Variants in NRXN3 observed in about 807,000 individuals in gnomAD.
NRXN3 encodes the protein neurexin III.
In NRXN3, 32 loss-of-function variants were observed where a neutral mutation model predicts 137.6. That is an observed-to-expected ratio of 0.23 (90% CI 0.18 to 0.31). The LOEUF (loss-of-function observed/expected upper bound fraction) is 0.31, where lower values mean the gene tolerates loss of function less well. NRXN3 is among the 10% of genes least tolerant of loss of function. The pLI, the probability that NRXN3 is intolerant of heterozygous loss-of-function variation, is 1.00. For missense variants in NRXN3, 1,574 were observed against 2,062.5 expected, an observed-to-expected ratio of 0.76 and a Z score of 4.59; for synonymous variants, 798 against 784.5, an observed-to-expected ratio of 1.02 and a Z score of -0.29.
At chr14:78,176,458 A>G (rs2059281839) in intron 1 of NRXN3, among the ~76,000 whole-genome samples, 1 of 150,086 alleles carries the variant, frequency 6.7e-6, no homozygotes, top group African/African-American at 2.5e-5. Flanking sequence ...TTATTACCTG[A>G]GGAGACTGAG....
intron 15 of NRXN3, among the ~76,000 whole-genome samples, chr14:79,111,766 A>G (rs2053574809): frequency 2.0e-5 from 3 of 151,980 alleles, no homozygotes; most frequent in Admixed American, 2.0e-4. Context: ...ATTAGCAAGT[A>G]TAAATGTATC....
intron 17 of NRXN3, among the ~76,000 whole-genome samples, chr14:79,680,403 C>G (rs2098664082): frequency 6.6e-6 from 1 of 151,646 alleles, no homozygotes; most frequent in African/African-American, 2.4e-5. Context: ...AACAGAACAA[C>G]AGAAAAAAAG....
At chr14:78,518,196 A>AT (rs1407467155) in intron 4 of NRXN3, among the ~76,000 whole-genome samples, 9 of 152,282 alleles carry the variant, frequency 5.9e-5, no homozygotes, top group Non-Finnish European at 1.5e-5. Context: ...GTTCTTGGCA[A>AT]TTTTAAAGTT....
intron 10 of NRXN3, among the ~76,000 whole-genome samples, chr14:78,936,429 GAA>G (rs1486004380): frequency 6.6e-6 from 1 of 151,870 alleles, no homozygotes; most frequent in Non-Finnish European, 1.5e-5. Flanking sequence ...GACGCCAGAG[GAA>G]AAAAGAGTAC....
chr14:79,687,794 C>T (rs191260592), intron 17 of NRXN3, among the ~76,000 whole-genome samples: 1 of 152,162 alleles, frequency 6.6e-6, no homozygotes, highest in South Asian at 2.1e-4. Flanking sequence ...AGCTTAGCAG[C>T]AGTATATCAT....
intron 19 of NRXN3, among the ~76,000 whole-genome samples, chr14:79,783,124 G>A (rs1055408746): frequency 6.6e-6 from 1 of 152,158 alleles, no homozygotes; most frequent in Non-Finnish European, 1.5e-5. Context: ...CGAGAGCTTT[G>A]CTTTGATAGA....
At chr14:79,266,448 A>G (rs190588165) in intron 15 of NRXN3, among the ~76,000 whole-genome samples, 1 of 152,176 alleles carries the variant, frequency 6.6e-6, no homozygotes, top group Admixed American at 6.5e-5. Context: ...GACTGATGTT[A>G]TTGATCATAT....
At chr14:78,225,126 G>GACCCA (rs2064378050) in intron 1 of NRXN3, among the ~76,000 whole-genome samples, 1 of 152,174 alleles carries the variant, frequency 6.6e-6, no homozygotes, top group African/African-American at 2.4e-5. Context: ...GTAATGGGAT[G>GACCCA]GCTTGGTCAA....
chr14:79,256,821 A>G (rs2076642267), intron 15 of NRXN3, among the ~76,000 whole-genome samples: 1 of 152,192 alleles, frequency 6.6e-6, no homozygotes, highest in South Asian at 2.1e-4. Flanking sequence ...GAACAATAAA[A>G]GAGTAGGCAG....
intron 19 of NRXN3, among the ~76,000 whole-genome samples, chr14:79,774,264 C>CTGAAG (rs1474347893): frequency 1.3e-5 from 2 of 152,100 alleles, no homozygotes; most frequent in African/African-American, 4.8e-5. Context: ...TGTTCATGAT[C>CTGAAG]TGAAGTGACA....
intron 4 of NRXN3, among the ~76,000 whole-genome samples, chr14:78,549,880 C>G (rs1382960411): frequency 6.6e-6 from 1 of 152,086 alleles, no homozygotes; most frequent in Non-Finnish European, 1.5e-5. Flanking sequence ...TCTATTCATT[C>G]TAATCTCATT....
At chr14:78,268,001 G>T (rs2072072939) in intron 2 of NRXN3, among the ~76,000 whole-genome samples, 1 of 152,182 alleles carries the variant, frequency 6.6e-6, no homozygotes, top group South Asian at 2.1e-4. Context: ...AAAGGGTGAG[G>T]ATAAAGGCTT....
chr14:79,362,660 A>G (rs2093726741), intron 15 of NRXN3, among the ~76,000 whole-genome samples: 1 of 152,202 alleles, frequency 6.6e-6, no homozygotes, highest in African/African-American at 2.4e-5. Context: ...TTGTAAAACA[A>G]AGGGAAGATT....
intron 4 of NRXN3, among the ~76,000 whole-genome samples, chr14:78,585,104 G>T (rs910763344): frequency 7.0e-6 from 1 of 142,720 alleles, no homozygotes; most frequent in Non-Finnish European, 1.5e-5. Context: ...GGTGATAAAT[G>T]CTATGGAGAA....
At chr14:79,397,016 G>C (rs1599701011) in intron 15 of NRXN3, among the ~76,000 whole-genome samples, 1 of 152,260 alleles carries the variant, frequency 6.6e-6, no homozygotes, top group East Asian at 1.9e-4. Flanking sequence ...AATCTCTTTG[G>C]GGAGGGAGCT....
Position 79,366,673 on chromosome 14 carries a change from C to A in NRXN3, c.3263-100548C>A, listed in dbSNP as rs181961222. 2.7e-3 allele frequency among the ~76,000 whole-genome samples: 408 copies of A among 152,260 alleles called. 2 individuals are homozygous for A. The highest frequency in any genetic ancestry group is 9.4e-3 in the African/African-American group (391 of 41,546). On this transcript the variant is annotated intron_variant, in intron 15 of 20. Coordinates refer to ENST00000335750, the MANE Select transcript of NRXN3 (RefSeq NM_001330195.2). ...TTACAGTAGCTTGCTGCTCTTCATTCATTAATTATTACAATATATAATTCT... is the reference window on the plus strand; with the variant it reads ...TTACAGTAGCTTGCTGCTCTTCATTAATTAATTATTACAATATATAATTCT...
intron 19 of NRXN3, among the ~76,000 whole-genome samples, chr14:79,803,820 C>T (rs777401544): frequency 4.0e-5 from 6 of 151,482 alleles, no homozygotes; most frequent in African/African-American, 7.3e-5. Flanking sequence ...TCTAATTAGT[C>T]ATGTAATAGT....
At chr14:78,255,088 T>C (rs2153466686) in intron 2 of NRXN3, among the ~76,000 whole-genome samples, 1 of 145,032 alleles carries the variant, frequency 6.9e-6, no homozygotes, top group Middle Eastern at 3.8e-3. Flanking sequence ...GCAAATTCGC[T>C]CCTGCACCCT....
chr14:78,515,344 A>C (rs1487808948), intron 4 of NRXN3, among the ~76,000 whole-genome samples: 1 of 151,978 alleles, frequency 6.6e-6, no homozygotes, highest in Non-Finnish European at 1.5e-5. Context: ...AGTTTCCTGA[A>C]ATTTATTGTG....
Sources: gnomAD v4.1 joint callset for allele counts (sites outside exome capture counted in the v4.1 genomes callset) on GRCh38, gnomAD v4.1.1 for gene constraint, MANE v1.5 for transcripts, NCBI Gene and HGNC (gene_info 2026-07-23, HGNC 2026-07-21) for gene names.